The following PFKFB4 variants were observed in gnomAD, a reference collection of about 807,000 sequenced individuals.
The protein encoded by PFKFB4 is 6-phosphofructo-2-kinase/fructose-2,6-bisphosphatase 4.
Under a neutral mutation model 62.8 loss-of-function variants are expected in PFKFB4, and 42 were observed. The observed-to-expected ratio is 0.67, with a 90% CI of 0.52 to 0.86. The LOEUF (loss-of-function observed/expected upper bound fraction) is 0.86. Among genes scored for constraint, PFKFB4 ranks in the 40% least tolerant of loss-of-function variants. PFKFB4 has a pLI of 0.00. For synonymous variants in PFKFB4, 204 were observed against 240.7 expected (o/e 0.85, Z 1.41); for missense variants, 475 against 627.2 (o/e 0.76, Z 2.59).
chr3:48,542,377 T>C (rs1251338300), intron 4 of PFKFB4, among the ~76,000 whole-genome samples: 1 of 149,186 alleles, frequency 6.7e-6, no homozygotes, highest in Non-Finnish European at 1.5e-5. Context: ...AGAAAAAAGA[T>C]AAAATCAGAA....
chr3:48,542,798 A>T (rs2042841335), intron 4 of PFKFB4, among the ~76,000 whole-genome samples: 1 of 152,202 alleles, frequency 6.6e-6, no homozygotes, highest in South Asian at 2.1e-4. Context: ...CCACCTAGAA[A>T]TTCTATACCC....
intron 10 of PFKFB4, among the ~76,000 whole-genome samples, chr3:48,524,446 G>A (rs575704676): frequency 6.6e-6 from 1 of 152,198 alleles, no homozygotes; most frequent in East Asian, 1.9e-4. Flanking sequence ...AGAACTGAAC[G>A]TGCCCCAAGC....
intron 4 of PFKFB4, among the ~76,000 whole-genome samples, chr3:48,542,191 G>A (rs569399023): frequency 4.9e-4 from 74 of 151,780 alleles, no homozygotes; most frequent in African/African-American, 1.7e-3. Context: ...AAAATTAGCC[G>A]GGCACAGTGG....
intron 12 of PFKFB4, 112 bp downstream of exon 12, chr3:48,523,425 T>C: frequency 9.8e-7 from 1 of 1,017,300 alleles, no homozygotes. Context: ...GGGTAGTAGG[T>C]GGAGGAATGG....
rs768472833 is a variant in PFKFB4 at position 48,543,615 on chromosome 3, G to T, written c.343C>A (p.Arg115=). ...CCCCCCTCCTCACTAAGGAACCGCC[G>T]GACGTCACGGAGGGCTGCCAGGGCA... ...QCALAALRDV[R]RFLSEEGGHV... Residue 115 remains arginine, a synonymous_variant, in exon 4 of 14, where the codon CGG becomes AGG. Coordinates refer to ENST00000232375, the MANE Select transcript of PFKFB4 (RefSeq NM_004567.4). The T allele has an allele frequency of 2.5e-6, 4 of 1,612,282 alleles. No homozygotes were observed. The East Asian group carries it at 8.9e-5, about 36-fold the overall frequency.
Position 48,523,682 on chromosome 3 carries a change from C to G in PFKFB4, c.1222+19G>C. 1 of 1,614,130 alleles carries G rather than the reference C, an allele frequency of 6.2e-7. No homozygotes were observed. The highest frequency in any genetic ancestry group is 8.5e-7 in the Non-Finnish European group (1 of 1,180,000). On this transcript the variant is annotated intron_variant, in intron 11 of 13. Transcript: ENST00000232375. ...CTTCTCACACAACCTTCCCACCTCCCCCGGGGCACAGCCCACACCTGCTGC... is the reference window on the plus strand; with the variant it reads ...CTTCTCACACAACCTTCCCACCTCCGCCGGGGCACAGCCCACACCTGCTGC...
At chr3:48,522,453 T>C (rs1420322073) in intron 12 of PFKFB4, among the ~76,000 whole-genome samples, 1 of 152,212 alleles carries the variant, frequency 6.6e-6, no homozygotes, top group Non-Finnish European at 1.5e-5. Flanking sequence ...GATGAGGCCA[T>C]TGTCACACAC....
chr3:48,546,441 A>G (rs1306260214), intron 3 of PFKFB4, among the ~76,000 whole-genome samples: 1 of 152,154 alleles, frequency 6.6e-6, no homozygotes, highest in Non-Finnish European at 1.5e-5. Flanking sequence ...TGGTGTGTAC[A>G]TGTGCACAGA....
At chr3:48,560,974 G>T, upstream of PFKFB4, 2 of 658,074 alleles carry the variant, frequency 3.0e-6, no homozygotes, top group Non-Finnish European at 2.1e-6. Flanking sequence ...CAACACTCTC[G>T]CACCCCTCCA....
rs142306728 is a variant in PFKFB4, at chr3:48,521,339, C to A, written c.1350+647G>T. ...AGAGGGAGCCAACATTGTGGAGGGA[C>A]CCCACATGGGACTAAGAGTGGTTCT... On this transcript the variant is annotated intron_variant, in intron 13 of 13. Coordinates refer to ENST00000232375, the MANE Select transcript of PFKFB4 (RefSeq NM_004567.4). The surrounding 1 kb of genome is among the most constrained non-coding windows in gnomAD (Gnocchi z 5.3). Among the ~76,000 whole-genome samples the A allele has an allele frequency of 3.4e-3, 523 of 152,238 alleles. 5 individuals are homozygous for A. Among genetic ancestry groups the A allele is most frequent in the Non-Finnish European group, 5.0e-3 (342 of 68,006 alleles).
chr3:48,563,009 G>A (rs200038467), upstream of PFKFB4: 55 of 1,610,948 alleles, frequency 3.4e-5, no homozygotes, highest in Middle Eastern at 8.3e-4. This position sits in a 1 kb window ranked among gnomAD's most constrained non-coding sequence, Gnocchi z 4.5. Context: ...AGGTCGGGGA[G>A]TGGTCTGGGG....
At chr3:48,559,913 C>CACACACACAT (rs2043406911), upstream of PFKFB4, 1 of 186,488 alleles carries the variant, frequency 5.4e-6, no homozygotes, top group Non-Finnish European at 9.9e-6. Flanking sequence ...CACACACACA[C>CACACACACAT]ACACACACAC....
intron 7 of PFKFB4, among the ~76,000 whole-genome samples, chr3:48,537,596 T>A (rs2042664826): frequency 7.4e-6 from 1 of 135,652 alleles, no homozygotes; most frequent in African/African-American, 2.7e-5. Flanking sequence ...CAACTGCAAC[T>A]CACTACAGCC....
At chr3:48,562,516 G>A (rs1375831694), upstream of PFKFB4, 9 of 519,850 alleles carry the variant, frequency 1.7e-5, no homozygotes, top group African/African-American at 3.9e-5. The surrounding 1 kb of genome is among the most constrained non-coding windows in gnomAD (Gnocchi z 4.3). Context: ...GGGCACACAG[G>A]CATGGCAAGA....
chr3:48,523,355 G>C (rs1010014780), intron 12 of PFKFB4, among the ~76,000 whole-genome samples, 182 bp downstream of exon 12: 2 of 152,202 alleles, frequency 1.3e-5, no homozygotes, highest in South Asian at 4.1e-4. Flanking sequence ...TTGCACTCCA[G>C]CCTGGGTGAC....
chr3:48,562,885 G>A (rs183513733), upstream of PFKFB4: 62 of 1,602,444 alleles, frequency 3.9e-5, no homozygotes, highest in East Asian at 6.3e-4. The surrounding 1 kb of genome is among the most constrained non-coding windows in gnomAD (Gnocchi z 4.3). Flanking sequence ...GCAAGAGGCC[G>A]ATGGGGACAT....
intron 1 of PFKFB4, among the ~76,000 whole-genome samples, chr3:48,554,705 G>A (rs980159469): frequency 6.6e-6 from 1 of 152,184 alleles, no homozygotes; most frequent in Non-Finnish European, 1.5e-5. Flanking sequence ...AGAAAGAATG[G>A]TAGTGATGAC....
chr3:48,551,352 A>G (rs1044694316), intron 1 of PFKFB4, among the ~76,000 whole-genome samples: 1 of 150,494 alleles, frequency 6.6e-6, no homozygotes, highest in African/African-American at 2.5e-5. Flanking sequence ...AGTATCTAGG[A>G]TTACAGACAC....
chr3:48,554,906 C>A (rs1344290939), intron 1 of PFKFB4, among the ~76,000 whole-genome samples: 1 of 151,988 alleles, frequency 6.6e-6, no homozygotes, highest in Non-Finnish European at 1.5e-5. Flanking sequence ...CAAAATTAGC[C>A]GGCCATGGTG....
Sources: allele counts gnomAD v4.1 joint callset (sites outside exome capture counted in the v4.1 genomes callset), GRCh38; gene constraint gnomAD v4.1.1; non-coding constraint Gnocchi (gnomAD v3.1); transcripts MANE v1.5; gene names NCBI Gene and HGNC (gene_info 2026-07-23, HGNC 2026-07-21).